The following GALNT12 variants were observed in gnomAD, a reference collection of about 807,000 sequenced individuals.
The protein encoded by GALNT12 is UDP-GalNAc:polypeptide N-acetylgalactosaminyltransferase 12.
GALNT12 carries 45 observed loss-of-function variants against 55.5 expected under a neutral mutation model. The observed-to-expected ratio is 0.81, with a 90% CI of 0.64 to 1.04. GALNT12 has a LOEUF of 1.04. GALNT12 is among the 50% of genes least tolerant of loss of function. The probability of loss-of-function intolerance (pLI) is 0.00; values close to 1 mark genes in which losing one functional copy is unlikely to be tolerated. For synonymous variants in GALNT12, 304 were observed against 312.2 expected (o/e 0.97, Z 0.28); for missense variants, 709 against 754.8 (o/e 0.94, Z 0.71).
chr9:98,814,186 G>A (rs1393707828), intron 1 of GALNT12, among the ~76,000 whole-genome samples: 1 of 152,136 alleles, frequency 6.6e-6, no homozygotes, highest in Non-Finnish European at 1.5e-5. Flanking sequence ...GTATATGCAT[G>A]TGCTTGTGTA....
chr9:98,836,777 G>A (rs1290568045), intron 5 of GALNT12, among the ~76,000 whole-genome samples, 195 bp from the exon 6 acceptor site: 1 of 152,068 alleles, frequency 6.6e-6, no homozygotes, highest in Non-Finnish European at 1.5e-5. Context: ...TATGTTTTGG[G>A]GGCTGCTTTC....
Position 98,826,758 on chromosome 9 carries a change from T to A in GALNT12, c.548T>A (p.Leu183Gln). ...GCTTTGTTTGCCTCCCTAGAGCACC[T>A]GAAGGAGCGCTTGGCCAATGAGCTT... ...LVDDYSDREH[L>Q]KERLANELSG... is the part of the protein sequence containing the mutation. Residue 183 changes from leucine to glutamine, a missense_variant, in exon 3 of 10, where the codon CTG becomes CAG. By Grantham distance (113) the Leu-to-Gln change is moderately radical (BLOSUM62 -2). Coordinates refer to ENST00000375011, the MANE Select transcript of GALNT12 (RefSeq NM_024642.5). 1 of 1,611,100 alleles carries A rather than the reference T, an allele frequency of 6.2e-7. No individual in the cohort carries two copies. Among genetic ancestry groups the A allele is most frequent in the African/African-American group, 1.3e-5 (1 of 74,942 alleles).
rs1421973685 is a variant in GALNT12, at chr9:98,849,790, T to A, written c.*698T>A. 2.5e-6 allele frequency: 1 copy of A among 392,544 alleles called. No homozygotes were observed. Among genetic ancestry groups the A allele is most frequent in the Non-Finnish European group, 4.5e-6 (1 of 223,102 alleles). The allele number at this position is 392,544 out of a possible 1,614,324, so 24.3% of individuals were successfully genotyped here. The stretch of plus-strand genomic sequence containing the variant: ...GAGCGAACTTCTAACAATGCCGCAC[T>A]GTAGTGTGGCTGGTTCTACCACTAT... On this transcript the variant is annotated 3_prime_UTR_variant, in exon 10 of 10. Transcript: ENST00000375011.
intron 3 of GALNT12, among the ~76,000 whole-genome samples, chr9:98,829,820 G>A (rs1006095350): frequency 1.3e-5 from 2 of 152,142 alleles, no homozygotes; most frequent in Non-Finnish European, 2.9e-5. Context: ...TTTTACGGAT[G>A]AATAGTACTC....
At chr9:98,813,753 G>A (rs1265513479) in intron 1 of GALNT12, among the ~76,000 whole-genome samples, 2 of 151,932 alleles carry the variant, frequency 1.3e-5, no homozygotes, top group Non-Finnish European at 2.9e-5. Flanking sequence ...ACCTACCTTG[G>A]CCTCTCAAAG....
At chr9:98,812,187 T>A (rs1408120909) in intron 1 of GALNT12, among the ~76,000 whole-genome samples, 1 of 152,166 alleles carries the variant, frequency 6.6e-6, no homozygotes, top group Non-Finnish European at 1.5e-5. Flanking sequence ...ACAGAACATG[T>A]TCAATTTCGG....
intron 6 of GALNT12, among the ~76,000 whole-genome samples, chr9:98,839,356 G>T (rs926253816): frequency 2.6e-5 from 4 of 152,176 alleles, no homozygotes; most frequent in African/African-American, 9.7e-5. Flanking sequence ...TGACAGTGCA[G>T]GTACGGTAAT....
At chr9:98,831,627 C>T (rs1835996415) in intron 3 of GALNT12, 145 bp from the exon 4 acceptor site, 2 of 966,810 alleles carry the variant, frequency 2.1e-6, no homozygotes, top group Middle Eastern at 3.1e-4. Context: ...CGGCTGCAGA[C>T]ACCTGGAATA....
At chr9:98,822,938 A>G (rs919403309) in intron 1 of GALNT12, among the ~76,000 whole-genome samples, 2 of 152,228 alleles carry the variant, frequency 1.3e-5, no homozygotes, top group Non-Finnish European at 2.9e-5. Flanking sequence ...CAGAGTAGAC[A>G]GAAAGGAGGG....
rs141933997 is a variant in GALNT12, at chr9:98,814,539, G to A, written c.371+6470G>A. 2.5e-3 allele frequency among the ~76,000 whole-genome samples: 380 copies of A among 152,056 alleles called. 1 individual carries two copies. The highest frequency in any genetic ancestry group is 8.8e-3 in the African/African-American group (366 of 41,492). On this transcript the variant is annotated intron_variant, in intron 1 of 9. Transcript: ENST00000375011. ...GCCCTGTCCAAAATGGCGAAACCAC[G>A]TCTTTACTAAAAATACAAAAATTAG...
At chr9:98,829,049 C>T (rs984896294) in intron 3 of GALNT12, among the ~76,000 whole-genome samples, 1 of 150,716 alleles carries the variant, frequency 6.6e-6, no homozygotes, top group Non-Finnish European at 1.5e-5. Context: ...AGGCTGGTCT[C>T]GAACTCCTAA....
chr9:98,837,175 C>G, intron 6 of GALNT12, 27 bp downstream of exon 6: 1 of 1,610,110 alleles, frequency 6.2e-7, no homozygotes, highest in Non-Finnish European at 8.5e-7. Context: ...ACCTGCACTC[C>G]ATCTGGCTTC....
intron 5 of GALNT12, among the ~76,000 whole-genome samples, chr9:98,835,740 T>TC (rs1157133438): frequency 7.5e-6 from 1 of 133,020 alleles, no homozygotes; most frequent in East Asian, 2.0e-4. Flanking sequence ...TAAGAATTTC[T>TC]TTTTTTTTTT....
intron 1 of GALNT12, among the ~76,000 whole-genome samples, chr9:98,813,960 T>A (rs1038767330): frequency 2.6e-5 from 4 of 152,182 alleles, no homozygotes; most frequent in Non-Finnish European, 5.9e-5. Flanking sequence ...TTCTTTTGGT[T>A]AAAAGTAACT....
chr9:98,807,778 T>C lies in GALNT12; in HGVS notation c.80T>C (p.Leu27Pro). The change falls in exon 1 of 10, where the codon CTA becomes CCA. Residue 27 changes from leucine (L) to proline (P), a missense_variant. Leu to Pro is a moderately conservative substitution (Grantham distance 98). This residue lies in a region of GALNT12 where 110 missense variants were observed against 102.2 expected (regional missense o/e 1.08). Transcript: ENST00000375011. ...GAGGCGCTGTTGGTGCTCCTGGCGC[T>C]ACTGGCGTTGGCCGGGCTGGGCTCG... ...GREALLVLLA[L>P]LALAGLGSVL... 2.6e-6 allele frequency: 3 copies of C among 1,154,036 alleles called. No homozygotes were observed. Among genetic ancestry groups the C allele is most frequent in the Non-Finnish European group, 3.2e-6 (3 of 935,154 alleles). 71.5% of individuals were successfully genotyped at this position (1,154,036 alleles called of 1,614,324 possible). A position where few individuals can be genotyped will look rare whatever the true frequency, so the allele number is the denominator to read the frequency against.
intron 6 of GALNT12, among the ~76,000 whole-genome samples, chr9:98,839,089 C>A (rs1359315841): frequency 6.6e-6 from 1 of 152,190 alleles, no homozygotes; most frequent in Non-Finnish European, 1.5e-5. Context: ...ACTCTTTCCT[C>A]ATGCACAGTC....
At chr9:98,830,970 G>A (rs1209041606) in intron 3 of GALNT12, among the ~76,000 whole-genome samples, 1 of 152,112 alleles carries the variant, frequency 6.6e-6, no homozygotes, top group East Asian at 1.9e-4. Context: ...TGTACTCAAG[G>A]AAATCTAGTG....
At chr9:98,811,301 G>A (rs567744612) in intron 1 of GALNT12, among the ~76,000 whole-genome samples, 4 of 152,230 alleles carry the variant, frequency 2.6e-5, no homozygotes, top group Non-Finnish European at 5.9e-5. Flanking sequence ...TGTGTCACAA[G>A]GAAATGGTTA....
chr9:98,808,651 G>A (rs1588436741), intron 1 of GALNT12, among the ~76,000 whole-genome samples: 1 of 152,352 alleles, frequency 6.6e-6, no homozygotes, highest in African/African-American at 2.4e-5. Context: ...GGGGTGGGAA[G>A]GGCTCCTTCT....
Sources: gnomAD v4.1 joint callset for allele counts (sites outside exome capture counted in the v4.1 genomes callset) on GRCh38, gnomAD v4.1.1 for gene constraint, gnomAD v4.1.1 regional missense constraint, MANE v1.5 for transcripts, NCBI Gene and HGNC (gene_info 2026-07-23, HGNC 2026-07-21) for gene names.